Variants in PCDH9 observed in about 807,000 individuals in gnomAD.
The protein encoded by PCDH9 is protocadherin 9.
In PCDH9, 24 loss-of-function variants were observed where a neutral mutation model predicts 70.6. That is an observed-to-expected ratio of 0.34 (90% CI 0.25 to 0.48). The LOEUF (loss-of-function observed/expected upper bound fraction) is 0.48. Among genes scored for constraint, PCDH9 ranks in the 20% least tolerant of loss-of-function variants. The probability of loss-of-function intolerance (pLI) is 0.99; values close to 1 mark genes in which losing one functional copy is unlikely to be tolerated. For synonymous variants in PCDH9, 562 were observed against 558.5 expected (o/e 1.01, Z -0.09); for missense variants, 1,281 against 1,503.6 (o/e 0.85, Z 2.45).
intron 2 of PCDH9, among the ~76,000 whole-genome samples, chr13:66,934,789 C>A (rs1216448550): frequency 8.8e-6 from 1 of 113,182 alleles, no homozygotes; most frequent in Non-Finnish European, 1.7e-5. Context: ...GGCGCGATCT[C>A]GGCTCACTGC....
intron 4 of PCDH9, among the ~76,000 whole-genome samples, chr13:66,477,773 T>C (rs1292224019): frequency 6.6e-6 from 1 of 152,210 alleles, no homozygotes; most frequent in African/African-American, 2.4e-5. Context: ...AGGGATTAGC[T>C]TCAAGAAAAG....
At chr13:67,122,206 T>C (rs1434033930) in intron 2 of PCDH9, among the ~76,000 whole-genome samples, 1 of 152,146 alleles carries the variant, frequency 6.6e-6, no homozygotes, top group Non-Finnish European at 1.5e-5. Context: ...ATCTTTTGAA[T>C]GCCTATGCCT....
chr13:67,062,933 T>A (rs1337515327), intron 2 of PCDH9, among the ~76,000 whole-genome samples: 1 of 152,118 alleles, frequency 6.6e-6, no homozygotes, highest in Non-Finnish European at 1.5e-5. Flanking sequence ...TCAGCTTTTA[T>A]TGTTAAAAAG....
intron 2 of PCDH9, among the ~76,000 whole-genome samples, chr13:66,939,048 C>G (rs2082963783): frequency 6.6e-6 from 1 of 151,714 alleles, no homozygotes; most frequent in Admixed American, 6.6e-5. Context: ...GTTAACTACT[C>G]TAAGATAATG....
At chr13:66,909,773 A>G (rs1478670362) in intron 2 of PCDH9, among the ~76,000 whole-genome samples, 1 of 152,206 alleles carries the variant, frequency 6.6e-6, no homozygotes, top group Admixed American at 6.5e-5. Context: ...TTGGCAGTTC[A>G]TGACAAGGAG....
At chr13:66,404,561 G>T (rs960746842) in intron 4 of PCDH9, among the ~76,000 whole-genome samples, 1 of 151,846 alleles carries the variant, frequency 6.6e-6, no homozygotes, top group Non-Finnish European at 1.5e-5. Flanking sequence ...AATTTAAAAA[G>T]AATGAATCAA....
chr13:66,845,931 G>A (rs1040928366), intron 3 of PCDH9, among the ~76,000 whole-genome samples: 2 of 151,750 alleles, frequency 1.3e-5, no homozygotes, highest in Non-Finnish European at 2.9e-5. Context: ...CACACATATG[G>A]GCCTTTCAAG....
intron 4 of PCDH9, among the ~76,000 whole-genome samples, chr13:66,380,126 C>T (rs951148702): frequency 5.3e-5 from 8 of 152,036 alleles, no homozygotes; most frequent in Non-Finnish European, 1.0e-4. Context: ...AAGTATATAA[C>T]CTCTCTGAGA....
intron 2 of PCDH9, chr13:67,211,839 A>G (rs1355071367): frequency 6.6e-6 from 1 of 152,128 alleles, no homozygotes; most frequent in African/African-American, 2.4e-5. Flanking sequence ...CCAGAATTTA[A>G]TATCTATGTT....
intron 3 of PCDH9, among the ~76,000 whole-genome samples, chr13:66,897,529 C>G (rs1229895963): frequency 2.6e-5 from 4 of 151,924 alleles, no homozygotes; most frequent in Non-Finnish European, 4.4e-5. Flanking sequence ...ATCAAATATG[C>G]CTGTTTTCAT....
intron 3 of PCDH9, among the ~76,000 whole-genome samples, chr13:66,666,078 G>T (rs1234202137): frequency 6.6e-6 from 1 of 152,192 alleles, no homozygotes; most frequent in Admixed American, 6.5e-5. Flanking sequence ...CCAAGGCTAA[G>T]AACTGAGCAT....
At chr13:66,776,342 C>T (rs1189943547) in intron 3 of PCDH9, among the ~76,000 whole-genome samples, 1 of 150,172 alleles carries the variant, frequency 6.7e-6, no homozygotes, top group Non-Finnish European at 1.5e-5. Flanking sequence ...TCAAATTGTC[C>T]CTGTTTGCAG....
At chr13:66,766,158 C>G (rs1040448962) in intron 3 of PCDH9, among the ~76,000 whole-genome samples, 3 of 151,778 alleles carry the variant, frequency 2.0e-5, no homozygotes, top group African/African-American at 7.3e-5. Context: ...TATGTATATA[C>G]ATGAGTGAAG....
chr13:66,902,660 T>G (rs1465754593), intron 3 of PCDH9, among the ~76,000 whole-genome samples: 1 of 151,808 alleles, frequency 6.6e-6, no homozygotes, highest in Admixed American at 6.6e-5. Context: ...ACAGTATGTA[T>G]GTTTTAATAT....
intron 2 of PCDH9, among the ~76,000 whole-genome samples, chr13:67,089,028 A>G (rs2086164555): frequency 1.3e-5 from 2 of 152,010 alleles, no homozygotes; most frequent in South Asian, 4.1e-4. Context: ...TTGTATATGC[A>G]TTGCCTTCAT....
intron 4 of PCDH9, among the ~76,000 whole-genome samples, chr13:66,451,667 C>T (rs1305105287): frequency 6.6e-6 from 1 of 152,046 alleles, no homozygotes; most frequent in African/African-American, 2.4e-5. Context: ...GAAATCAATT[C>T]CCAGAAGTCA....
At chr13:66,646,027 T>TAACTCTACAA (rs570338944) in intron 3 of PCDH9, among the ~76,000 whole-genome samples, 98 of 152,316 alleles carry the variant, frequency 6.4e-4, no homozygotes, top group Non-Finnish European at 1.0e-3. Context: ...AATGAAATAA[T>TAACTCTACAA]AACTCTACAA....
At chr13:66,778,308 G>A (rs984082166) in intron 3 of PCDH9, among the ~76,000 whole-genome samples, 25 of 151,836 alleles carry the variant, frequency 1.6e-4, no homozygotes, top group Non-Finnish European at 3.4e-4. Context: ...AATACTCTCT[G>A]CTCTTTAATC....
In PCDH9 at chr13:67,175,438, G is replaced by A. The variant is rs576251063; in HGVS notation, c.3036+49967C>T. ...TTAACTACCTACAGAAACACTACAAGCAGGGCCTGGAACAAACAGGGGCTA... is the reference window on the plus strand; with the variant it reads ...TTAACTACCTACAGAAACACTACAAACAGGGCCTGGAACAAACAGGGGCTA... On this transcript the variant is annotated intron_variant, in intron 2 of 4. Coordinates refer to ENST00000377865, the MANE Select transcript of PCDH9 (RefSeq NM_203487.3). Among the ~76,000 whole-genome samples, 7 of 152,136 alleles carry A rather than the reference G, an allele frequency of 4.6e-5. No homozygotes were observed. The East Asian group carries it at 1.2e-3, about 25-fold the overall frequency.
Sources: allele counts gnomAD v4.1 joint callset (sites outside exome capture counted in the v4.1 genomes callset), GRCh38; gene constraint gnomAD v4.1.1; transcripts MANE v1.5; gene names NCBI Gene and HGNC (gene_info 2026-07-23, HGNC 2026-07-21).